Variants in LIMCH1 observed in about 807,000 individuals in gnomAD.
LIMCH1 encodes the protein LIM and calponin homology domains-containing protein 1.
LIMCH1 carries 113 observed loss-of-function variants against 176.5 expected under a neutral mutation model. The ratio of observed to expected loss-of-function variants is 0.64; its 90% confidence interval spans 0.55 to 0.75. The LOEUF (loss-of-function observed/expected upper bound fraction) is 0.75. Ranked by LOEUF, LIMCH1 falls within the 30% of genes least tolerant of loss-of-function variation. The pLI is 0.00. For synonymous variants in LIMCH1, 619 were observed against 645.9 expected (o/e 0.96, Z 0.63); for missense variants, 1,674 against 1,814.9 (o/e 0.92, Z 1.41).
At chr4:41,401,219 G>A (rs1174651186) in intron 1 of LIMCH1, among the ~76,000 whole-genome samples, 3 of 152,176 alleles carry the variant, frequency 2.0e-5, no homozygotes, top group African/African-American at 7.2e-5. Flanking sequence ...TAAAGTGTAA[G>A]GAAGGGATCC....
intron 1 of LIMCH1, among the ~76,000 whole-genome samples, chr4:41,559,050 A>G (rs1442669384): frequency 6.6e-6 from 1 of 152,140 alleles, no homozygotes. Context: ...GAAAAAAAAT[A>G]TTTTATCTGG....
At chr4:41,524,487 G>A (rs764222544) in intron 3 of LIMCH1, 7 of 1,596,304 alleles carry the variant, frequency 4.4e-6, no homozygotes, top group Admixed American at 3.3e-5. Context: ...TGGTGAGTAC[G>A]TGGAATTGAG....
At chr4:41,362,369 T>C (rs1581005148) in intron 1 of LIMCH1, among the ~76,000 whole-genome samples, 2 of 152,266 alleles carry the variant, frequency 1.3e-5, no homozygotes, top group South Asian at 4.1e-4. Context: ...GCTGGAACGG[T>C]TTGGCGTGTG....
intron 1 of LIMCH1, among the ~76,000 whole-genome samples, chr4:41,403,073 ATAG>A (rs1484045705): frequency 1.3e-5 from 2 of 152,196 alleles, no homozygotes; most frequent in African/African-American, 4.8e-5. Context: ...AGGATTTTAC[ATAG>A]TTATCACAAC....
intron 30 of LIMCH1, among the ~76,000 whole-genome samples, chr4:41,691,785 A>G (rs1378220344): frequency 6.6e-6 from 1 of 151,966 alleles, no homozygotes; most frequent in Non-Finnish European, 1.5e-5. Context: ...AAATAAACAA[A>G]TGGAACAGGT....
upstream of LIMCH1, among the ~76,000 whole-genome samples, chr4:41,537,367 G>A (rs1009877378): frequency 2.0e-5 from 3 of 152,162 alleles, no homozygotes; most frequent in Non-Finnish European, 4.4e-5. Flanking sequence ...ATGTCCTTTA[G>A]GGAGGTTTAA....
At chr4:41,553,779 C>T (rs552355455) in intron 1 of LIMCH1, among the ~76,000 whole-genome samples, 1 of 152,278 alleles carries the variant, frequency 6.6e-6, no homozygotes, top group Non-Finnish European at 1.5e-5. Flanking sequence ...CATCTTCCCT[C>T]TTGGATCCAG....
chr4:41,523,577 C>T lies in LIMCH1; in HGVS notation c.168-832C>T, dbSNP rs571953054. Among the ~76,000 whole-genome samples the T allele has an allele frequency of 3.3e-5, 5 of 152,296 alleles. No individual in the cohort carries two copies. The East Asian group carries it at 5.8e-4, about 18-fold the overall frequency. On this transcript the variant is annotated intron_variant, in intron 2 of 26. Coordinates refer to the LIMCH1 transcript ENST00000313860. ...AAATAACATTCTACATTCTACAGCC[C>T]CTTACCTTCAATCACTTATTTATGA... is the stretch of plus-strand genomic sequence containing the variant.
intron 23 of LIMCH1, among the ~76,000 whole-genome samples, chr4:41,679,251 T>C (rs915395929): frequency 1.3e-5 from 2 of 152,216 alleles, no homozygotes; most frequent in African/African-American, 4.8e-5. Context: ...ATCAGGAGTG[T>C]CACTTCTCAT....
At chr4:41,496,350 C>T (rs555525905) in intron 2 of LIMCH1, among the ~76,000 whole-genome samples, 1 of 152,254 alleles carries the variant, frequency 6.6e-6, no homozygotes, top group African/African-American at 2.4e-5. Flanking sequence ...AGTCTGAGGA[C>T]TAGGGATCAA....
At chr4:41,645,991 A>C in intron 15 of LIMCH1, 132 bp from the exon 16 acceptor site, 4 of 840,048 alleles carry the variant, frequency 4.8e-6, no homozygotes, top group South Asian at 1.9e-5. Flanking sequence ...TTGTGTGGGA[A>C]TGCACACGAT....
intron 22 of LIMCH1, 139 bp downstream of exon 22, chr4:41,671,733 C>G: frequency 1.6e-6 from 1 of 634,088 alleles, no homozygotes. Context: ...GAGGGTGAGG[C>G]GGGTGGATCA....
intron 1 of LIMCH1, among the ~76,000 whole-genome samples, chr4:41,557,184 G>A (rs576145456): frequency 6.6e-6 from 1 of 152,126 alleles, no homozygotes; most frequent in East Asian, 1.9e-4. Context: ...TTGTAAAATG[G>A]TTCTCATCTT....
At chr4:41,425,870 T>C (rs1348596907) in intron 1 of LIMCH1, among the ~76,000 whole-genome samples, 1 of 152,224 alleles carries the variant, frequency 6.6e-6, no homozygotes, top group Non-Finnish European at 1.5e-5. Context: ...TCTAGTTTCA[T>C]GGCTGTCTTA....
At chr4:41,396,451 A>G (rs995124515) in intron 1 of LIMCH1, among the ~76,000 whole-genome samples, 1 of 152,226 alleles carries the variant, frequency 6.6e-6, no homozygotes, top group African/African-American at 2.4e-5. Flanking sequence ...TTCCCAGCCC[A>G]ACAAGATGCA....
At chr4:41,682,114 C>G (rs1350960922) in intron 25 of LIMCH1, among the ~76,000 whole-genome samples, 2 of 152,176 alleles carry the variant, frequency 1.3e-5, no homozygotes, top group African/African-American at 4.8e-5. Flanking sequence ...GAGGGGTTTT[C>G]TAATCAATTC....
intron 1 of LIMCH1, among the ~76,000 whole-genome samples, chr4:41,541,088 G>T (rs1297861178): frequency 6.6e-6 from 1 of 152,212 alleles, no homozygotes; most frequent in Admixed American, 6.5e-5. Context: ...TATAAAGGCA[G>T]TGAAAGAAAT....
At chr4:41,445,441 A>G (rs987082672) in intron 1 of LIMCH1, among the ~76,000 whole-genome samples, 1 of 152,248 alleles carries the variant, frequency 6.6e-6, no homozygotes, top group Non-Finnish European at 1.5e-5. Context: ...AGCCATTGCC[A>G]TCTTCTGAGA....
At chr4:41,634,816 G>A (rs982754337) in intron 13 of LIMCH1, among the ~76,000 whole-genome samples, 2 of 152,344 alleles carry the variant, frequency 1.3e-5, no homozygotes, top group South Asian at 2.1e-4. Context: ...GAAAAGCTGC[G>A]TGAGTGGATC....
Sources: gnomAD v4.1 joint callset for allele counts (sites outside exome capture counted in the v4.1 genomes callset) on GRCh38, gnomAD v4.1.1 for gene constraint, MANE v1.5 for transcripts, NCBI Gene and HGNC (gene_info 2026-07-23, HGNC 2026-07-21) for gene names.